PAK4: variants seen among roughly 807,000 people sequenced by gnomAD.
PAK4 encodes p21 (RAC1) activated kinase 4.
Under a neutral mutation model 53.5 loss-of-function variants are expected in PAK4, and 49 were observed. The ratio of observed to expected loss-of-function variants is 0.92; its 90% confidence interval spans 0.73 to 1.16. PAK4 has a LOEUF of 1.16. Ranked by LOEUF, PAK4 falls within the 50% of genes most tolerant of loss-of-function variation. PAK4 has a pLI of 0.00. For missense variants in PAK4, 824 were observed against 850.7 expected (o/e 0.97, Z 0.39); for synonymous variants, 376 against 375.6 (o/e 1.00, Z -0.01).
intron 1 of PAK4, among the ~76,000 whole-genome samples, chr19:39,139,546 C>G (rs1243286101): frequency 2.0e-5 from 3 of 152,166 alleles, no homozygotes; most frequent in Non-Finnish European, 2.9e-5. Flanking sequence ...CCTTGCATTC[C>G]TCAGCAGGCC....
At chr19:39,145,188 G>T (rs191615386) in intron 1 of PAK4, among the ~76,000 whole-genome samples, 7 of 152,100 alleles carry the variant, frequency 4.6e-5, no homozygotes, top group African/African-American at 7.2e-5. Flanking sequence ...CCTCAGGCCC[G>T]CTGCCCAGCT....
chr19:39,135,769 C>A (rs1010456150), intron 1 of PAK4, among the ~76,000 whole-genome samples: 19 of 150,598 alleles, frequency 1.3e-4, no homozygotes, highest in African/African-American at 4.1e-4. Context: ...AAAGATAAGC[C>A]GGGCTGGAGG....
downstream of PAK4, chr19:39,180,067 G>C (rs946559791): frequency 6.6e-6 from 1 of 152,446 alleles, no homozygotes; most frequent in Admixed American, 6.5e-5. Flanking sequence ...CCAGCCAGGC[G>C]TCATCAGCAC....
At chr19:39,181,511 G>A (rs1269786966), downstream of PAK4, 2 of 152,252 alleles carry the variant, frequency 1.3e-5, no homozygotes, top group Admixed American at 1.3e-4. Flanking sequence ...GGAACAGAGG[G>A]GCCAATGGCA....
intron 1 of PAK4, among the ~76,000 whole-genome samples, chr19:39,165,963 G>C (rs1279414358): frequency 6.6e-6 from 1 of 152,168 alleles, no homozygotes; most frequent in Non-Finnish European, 1.5e-5. Flanking sequence ...CCTCCCTCCA[G>C]GATCATATGT....
At chr19:39,144,772 G>T (rs1159901325) in intron 1 of PAK4, among the ~76,000 whole-genome samples, 3 of 142,274 alleles carry the variant, frequency 2.1e-5, no homozygotes, top group Non-Finnish European at 3.2e-5. Flanking sequence ...AAGTGTGCAT[G>T]TGTGTGAGTG....
At chr19:39,128,346 C>T (rs2073630786) in intron 1 of PAK4, among the ~76,000 whole-genome samples, 1 of 152,190 alleles carries the variant, frequency 6.6e-6, no homozygotes, top group African/African-American at 2.4e-5. Context: ...CCACCTGCCT[C>T]CTGGCTTTCT....
intron 1 of PAK4, among the ~76,000 whole-genome samples, chr19:39,129,953 T>C (rs1253578201): frequency 6.6e-6 from 1 of 151,998 alleles, no homozygotes; most frequent in East Asian, 1.9e-4. Context: ...TTGGTCCCAG[T>C]GGTAACCAAC....
chr19:39,150,540 C>A (rs188679317), intron 1 of PAK4, among the ~76,000 whole-genome samples: 112 of 152,192 alleles, frequency 7.4e-4, no homozygotes, highest in African/African-American at 2.6e-3. Context: ...CATCCTCACG[C>A]CCACTCAGGC....
chr19:39,172,397 T>C (rs1360633208), intron 2 of PAK4, among the ~76,000 whole-genome samples: 1 of 152,086 alleles, frequency 6.6e-6, no homozygotes, highest in East Asian at 1.9e-4. Context: ...TGGGACCCCC[T>C]TGCCCTCTAC....
intron 1 of PAK4, among the ~76,000 whole-genome samples, chr19:39,137,752 C>T (rs1249331186): frequency 6.6e-5 from 10 of 151,946 alleles, no homozygotes; most frequent in Non-Finnish European, 8.8e-5. Flanking sequence ...CTACAACCTC[C>T]GCCTGCCGGG....
chr19:39,166,439 G>A (rs887616768), intron 1 of PAK4, among the ~76,000 whole-genome samples: 6 of 152,202 alleles, frequency 3.9e-5, no homozygotes, highest in Non-Finnish European at 5.9e-5. Flanking sequence ...GCAAGACTCC[G>A]TTTAAAATAA....
intron 1 of PAK4, among the ~76,000 whole-genome samples, chr19:39,160,858 T>C (rs1238039882): frequency 3.9e-5 from 6 of 152,274 alleles, no homozygotes; most frequent in Non-Finnish European, 1.5e-5. Context: ...TGTCCCTTCC[T>C]GTTTTTGTCC....
At chr19:39,181,943 C>T (rs927454131), downstream of PAK4, 3 of 152,252 alleles carry the variant, frequency 2.0e-5, no homozygotes, top group African/African-American at 7.2e-5. Context: ...CCAGCAGCAT[C>T]ACTGGGAGCT....
exon 2 of PAK4, chr19:39,169,743 C>T: frequency 6.2e-7 from 1 of 1,602,096 alleles, no homozygotes; most frequent in Non-Finnish European, 8.5e-7. Context: ...CTCCATCCAG[C>T]CCGGGGCCCC....
At chr19:39,170,370 T>C (rs2074455955) in intron 2 of PAK4, among the ~76,000 whole-genome samples, 2 of 152,030 alleles carry the variant, frequency 1.3e-5, no homozygotes, top group South Asian at 4.1e-4. Flanking sequence ...TTTTTTTTTT[T>C]CTTCCTGCCA....
intron 1 of PAK4, chr19:39,152,095 A>G (rs2074102033): frequency 6.8e-6 from 1 of 147,712 alleles, no homozygotes; most frequent in African/African-American, 2.5e-5. Flanking sequence ...ATTCTGAGTT[A>G]TCGTGATTTT....
intron 4 of PAK4, 82 bp from the exon 6 acceptor site, chr19:39,174,849 G>A (rs995256779): frequency 5.9e-6 from 9 of 1,536,458 alleles, no homozygotes; most frequent in South Asian, 2.3e-5. Context: ...AACTGCAGGG[G>A]GAGCCAGGGG....
intron 2 of PAK4, 51 bp from the exon 4 acceptor site, chr19:39,172,867 G>A (rs1600400351): frequency 2.1e-6 from 3 of 1,437,058 alleles, no homozygotes; most frequent in Non-Finnish European, 2.8e-6. Flanking sequence ...TGCACGTCCT[G>A]TGTGCCCCAC....
Sources: allele counts gnomAD v4.1 joint callset (sites outside exome capture counted in the v4.1 genomes callset), GRCh38; gene constraint gnomAD v4.1.1; transcripts MANE v1.5; gene names NCBI Gene and HGNC (gene_info 2026-07-23, HGNC 2026-07-21).